NSD1: variants seen among roughly 807,000 people sequenced by gnomAD.
NSD1 encodes nuclear receptor binding SET domain protein 1.
NSD1 carries 26 observed loss-of-function variants against 242.7 expected under a neutral mutation model. That is an observed-to-expected ratio of 0.11 (90% CI 0.08 to 0.15). The LOEUF is 0.15. Ranked by LOEUF, NSD1 falls within the 10% of genes least tolerant of loss-of-function variation. The pLI is 1.00. For synonymous variants in NSD1, 1,106 were observed against 1,178.1 expected (o/e 0.94, Z 1.25); for missense variants, 2,495 against 3,272.8 (o/e 0.76, Z 5.80).
At position 177,295,136 on chromosome 5, in the gene NSD1, C is replaced by T. The variant is rs1436659051; in HGVS notation, c.7768C>T (p.Pro2590Ser). 6.2e-7 allele frequency: 1 copy of T among 1,613,908 alleles called. No homozygotes were observed. The highest frequency in any genetic ancestry group is 1.1e-5 in the South Asian group (1 of 91,074). The part of the protein sequence containing the change: ...AKQMVGGQQL[P>S]ALAAKSGQSF... ...GCAGATGGTCGGAGGCCAGCAACTACCTGCACTTGCCGCCAAGAGTGGGCA... is the reference window on the plus strand; with the variant it reads ...GCAGATGGTCGGAGGCCAGCAACTATCTGCACTTGCCGCCAAGAGTGGGCA... The change falls in exon 23 of 23, where the codon CCT (proline) becomes TCT (serine). Residue 2590 changes from proline (P) to serine (S), a missense_variant. Coordinates refer to ENST00000439151, the MANE Select transcript of NSD1 (RefSeq NM_022455.5). This position sits in a 1 kb window ranked among gnomAD's most constrained non-coding sequence, Gnocchi z 4.3.
chr5:177,133,819 T>G lies in NSD1; in HGVS notation c.-151T>G, dbSNP rs1386985124. ...GGGGCAGGTCGCGCTCGCTGCCTTC[T>G]CCCCTGAAGAGAGACGCGGGGGGAG... is the stretch of plus-strand genomic sequence containing the variant. On this transcript the variant is annotated 5_prime_UTR_variant, in exon 1 of 23. Transcript: ENST00000439151. This position sits in a 1 kb window ranked among gnomAD's most constrained non-coding sequence, Gnocchi z 6.2. 7.1e-6 allele frequency: 1 copy of G among 141,542 alleles called. No individual in the cohort carries two copies. Among genetic ancestry groups the G allele is most frequent in the African/African-American group, 2.7e-5 (1 of 37,436 alleles). 8.8% of individuals were successfully genotyped at this position (141,542 alleles called of 1,614,324 possible). A position where few individuals can be genotyped will look rare whatever the true frequency, so the allele number is the denominator to read the frequency against.
intron 11 of NSD1, among the ~76,000 whole-genome samples, chr5:177,248,749 T>C (rs1361425745): frequency 2.0e-5 from 3 of 152,224 alleles, no homozygotes; most frequent in African/African-American, 7.2e-5. Context: ...GTTTTATTTA[T>C]TTAATAAATA....
At chr5:177,234,532 C>T (rs962167124) in intron 5 of NSD1, among the ~76,000 whole-genome samples, 1 of 152,092 alleles carries the variant, frequency 6.6e-6, no homozygotes, top group Non-Finnish European at 1.5e-5. Flanking sequence ...GCCTGGCCAA[C>T]CCGGTGAAAT....
chr5:177,246,863 C>T, intron 10 of NSD1, 67 bp downstream of exon 10: 1 of 1,095,434 alleles, frequency 9.1e-7, no homozygotes, highest in Non-Finnish European at 1.4e-6. Context: ...GAGGCCACAT[C>T]CCTCTTTCCC....
At chr5:177,171,017 TAA>T (rs569914153) in intron 2 of NSD1, among the ~76,000 whole-genome samples, 55 of 136,302 alleles carry the variant, frequency 4.0e-4, no homozygotes, top group African/African-American at 4.9e-4. Flanking sequence ...TTTACCATGT[TAA>T]AAAAAAAAAA....
At chr5:177,292,303 A>G (rs542337819) in intron 22 of NSD1, 145 bp downstream of exon 22, 1 of 829,926 alleles carries the variant, frequency 1.2e-6, no homozygotes, top group South Asian at 1.5e-5. Flanking sequence ...CTTATTTTGG[A>G]AATAATGAAA....
At chr5:177,280,924 GA>G in intron 18 of NSD1, 90 bp downstream of exon 18, 3 of 1,372,668 alleles carry the variant, frequency 2.2e-6, no homozygotes, top group Non-Finnish European at 3.1e-6. Flanking sequence ...CATCATAGAA[GA>G]AAATAACACA....
Position 177,235,885 on chromosome 5 carries a change from A to G in NSD1, c.3861A>G (p.Glu1287=). 1 of 1,614,010 alleles carries G rather than the reference A, an allele frequency of 6.2e-7. No individual in the cohort carries two copies. Among genetic ancestry groups the G allele is most frequent in the Non-Finnish European group, 8.5e-7 (1 of 1,179,894 alleles). ...AGTGGCTTTTGGAATATACAGAAGA[A>G]TATGATCAGATATTTGCTCCTAAGA... is the stretch of plus-strand genomic sequence containing the variant. The part of the protein sequence containing the change: ...PSKWLLEYTE[E]YDQIFAPKKK... The change falls in exon 6 of 23, where the codon GAA becomes GAG. Residue 1287 remains glutamate, a synonymous_variant. Transcript: ENST00000439151.
chr5:177,255,238 G>C (rs1005847494), intron 12 of NSD1, among the ~76,000 whole-genome samples: 13 of 152,118 alleles, frequency 8.5e-5, no homozygotes, highest in African/African-American at 3.1e-4. Flanking sequence ...CCAGGAGGTG[G>C]AGGTTGCAGT....
At position 177,297,828 on chromosome 5, in the gene NSD1, TTG is replaced by T; in HGVS notation, c.*2372_*2373del. On this transcript the variant is annotated 3_prime_UTR_variant, in exon 23 of 23. Coordinates refer to ENST00000439151, the MANE Select transcript of NSD1 (RefSeq NM_022455.5). ...GGGAAAGGGGCCATGATTGGCTGCT[TTG>T]TGGTTTTATTTTGGTTCTTTCCATT... The T allele has an allele frequency of 4.3e-6, 1 of 233,046 alleles. No homozygotes were observed. Among genetic ancestry groups the T allele is most frequent in the Non-Finnish European group, 8.5e-6 (1 of 117,974 alleles). The allele number at this position is 233,046 out of a possible 1,614,324, so 14.4% of individuals were successfully genotyped here. A position where few individuals can be genotyped will look rare whatever the true frequency, so the allele number is the denominator to read the frequency against.
chr5:177,186,399 A>G (rs1761236411), intron 2 of NSD1, among the ~76,000 whole-genome samples: 1 of 152,048 alleles, frequency 6.6e-6, no homozygotes, highest in Non-Finnish European at 1.5e-5. Context: ...GACTATATTC[A>G]ATTTACATTA....
intron 5 of NSD1, among the ~76,000 whole-genome samples, chr5:177,233,174 A>C (rs1464241509): frequency 6.6e-6 from 1 of 152,038 alleles, no homozygotes. Context: ...TTCCAGACTC[A>C]AGCATTCTTC....
chr5:177,138,536 G>A (rs923244714), intron 2 of NSD1, among the ~76,000 whole-genome samples: 4 of 152,106 alleles, frequency 2.6e-5, no homozygotes, highest in Non-Finnish European at 5.9e-5. Context: ...GATTACAGGC[G>A]TGAGCCACCG....
chr5:177,246,308 T>G (rs1329163985), intron 9 of NSD1, among the ~76,000 whole-genome samples: 1 of 152,194 alleles, frequency 6.6e-6, no homozygotes, highest in Admixed American at 6.5e-5. Context: ...TATTATTGTC[T>G]CCAGTCTTGA....
At position 177,143,371 on chromosome 5, in the gene NSD1, G is replaced by A. The variant is rs550617007; in HGVS notation, c.927+7341G>A. Reference sequence around the variant, plus strand: ...GAGTCTTGCTCTGTTGCACAGGTTCGAGGGCAGTGGTGCGATCTTGGCTCA... The same window carrying A: ...GAGTCTTGCTCTGTTGCACAGGTTCAAGGGCAGTGGTGCGATCTTGGCTCA... On this transcript the variant is annotated intron_variant, in intron 2 of 22. Transcript: ENST00000439151. 2.6e-5 allele frequency among the ~76,000 whole-genome samples: 4 copies of A among 151,816 alleles called. No individual in the cohort carries two copies. The South Asian group carries it at 6.3e-4, about 24-fold the overall frequency.
rs1403301056 is a variant in NSD1 at position 177,296,520 on chromosome 5, G to A, written c.*1061G>A. ...CAGGAAGAGTACCAGATCCTGATGG[G>A]AAATTTCTTTTCCCCATTCCTTTTC... On this transcript the variant is annotated 3_prime_UTR_variant, in exon 23 of 23. Transcript: ENST00000439151. 3 of 233,146 alleles carry A rather than the reference G, an allele frequency of 1.3e-5. No individual in the cohort carries two copies. Among genetic ancestry groups the A allele is most frequent in the African/African-American group, 2.2e-5 (1 of 45,312 alleles). The allele number at this position is 233,146 out of a possible 1,614,324, so 14.4% of individuals were successfully genotyped here.
intron 2 of NSD1, among the ~76,000 whole-genome samples, chr5:177,190,252 C>G (rs1009925037): frequency 6.6e-6 from 1 of 152,116 alleles, no homozygotes; most frequent in African/African-American, 2.4e-5. Flanking sequence ...GCCACAGCAT[C>G]TGGCCCCCTT....
At chr5:177,235,723 C>T (rs980613711) in intron 5 of NSD1, 98 bp from the exon 6 acceptor site, 27 of 1,501,598 alleles carry the variant, frequency 1.8e-5, no homozygotes, top group Non-Finnish European at 2.5e-5. Context: ...ATGTGGTTTC[C>T]CATCTGGTTA....
rs560262961 is a variant in NSD1 at position 177,276,814 on chromosome 5, T to C, written c.5622+3030T>C. On this transcript the variant is annotated intron_variant, in intron 17 of 22. Coordinates refer to ENST00000439151, the MANE Select transcript of NSD1 (RefSeq NM_022455.5). The stretch of plus-strand genomic sequence containing the variant: ...TGTCATAAAATATCCATACCAAGAT[T>C]AGATTAAAAAAAGAACAAAACGAAA... 2.0e-5 allele frequency among the ~76,000 whole-genome samples: 3 copies of C among 152,162 alleles called. No homozygotes were observed. The East Asian group carries it at 5.8e-4, about 29-fold the overall frequency.
Sources: allele counts gnomAD v4.1 joint callset (sites outside exome capture counted in the v4.1 genomes callset), GRCh38; gene constraint gnomAD v4.1.1; non-coding constraint Gnocchi (gnomAD v3.1); transcripts MANE v1.5; gene names NCBI Gene and HGNC (gene_info 2026-07-23, HGNC 2026-07-21).